Variants in ZNF334 observed in about 807,000 individuals in gnomAD.
The protein encoded by ZNF334 is zinc finger protein 334.
In ZNF334, 14 loss-of-function variants were observed where a neutral mutation model predicts 12.4. The observed-to-expected ratio is 1.13, with a 90% CI of 0.74 to 1.76. The LOEUF is 1.76. Ranked by LOEUF, ZNF334 falls within the 40% of genes most tolerant of loss-of-function variation. The probability of loss-of-function intolerance (pLI) is 0.00; values close to 1 mark genes in which losing one functional copy is unlikely to be tolerated. For missense variants in ZNF334, 797 were observed against 804.5 expected, an observed-to-expected ratio of 0.99 and a Z score of 0.11; for synonymous variants, 273 against 269.6, an observed-to-expected ratio of 1.01 and a Z score of -0.12.
Position 46,502,691 on chromosome 20 carries a change from T to A in ZNF334, c.648A>T (p.Lys216Asn). The change falls in exon 5 of 5, where the codon AAA (lysine) becomes AAT (asparagine). Residue 216 changes from lysine (K) to asparagine (N), a missense_variant. Transcript: ENST00000692313. ...TGAGAATTGCCCTCTTGAAGAAGGT[T>A]TTCCCACATTTATTATAGTCAAACG... The part of the protein sequence containing the change: ...KQPFDYNKCG[K>N]TFFKRAILIT... 1 of 1,613,048 alleles carries A rather than the reference T, an allele frequency of 6.2e-7. No individual in the cohort carries two copies. The highest frequency in any genetic ancestry group is 8.5e-7 in the Non-Finnish European group (1 of 1,179,960).
At chr20:46,466,058 C>G in the ZNF334 span, among the ~76,000 whole-genome samples, 11 of 152,108 alleles carry the variant, frequency 7.2e-5, no homozygotes, top group South Asian at 2.3e-3. Context: ...GATTATCCGT[C>G]TAGCACATAT....
At chr20:46,497,938 T>C (rs1286515624), downstream of ZNF334, among the ~76,000 whole-genome samples, 1 of 138,414 alleles carries the variant, frequency 7.2e-6, no homozygotes, top group Non-Finnish European at 1.5e-5. Flanking sequence ...ATCTCACCTA[T>C]GCAGAACATT....
At chr20:46,464,240 C>G in the ZNF334 span, 1 of 541,996 alleles carries the variant, frequency 1.8e-6, no homozygotes, top group Non-Finnish European at 3.6e-6. Flanking sequence ...CTCATTGCCT[C>G]CTTGACTTTC....
chr20:46,471,564 A>T, the ZNF334 span, among the ~76,000 whole-genome samples: 2 of 152,208 alleles, frequency 1.3e-5, no homozygotes, highest in African/African-American at 2.4e-5. Context: ...GTCCTATTAT[A>T]TCACCTAATG....
rs2061698790 is a variant in ZNF334, at chr20:46,512,763, C to G, written c.-262G>C. On this transcript the variant is annotated 5_prime_UTR_variant, in exon 1 of 5. Coordinates refer to ENST00000692313, the MANE Select transcript of ZNF334 (RefSeq NM_001353824.2). ...AAGGACCAGAATTCAGTTATTGGAT[C>G]TGTCACTAGCAAACTGCATTACTGA... The G allele has an allele frequency of 6.6e-6, 1 of 152,208 alleles. No individual in the cohort carries two copies. Among genetic ancestry groups the G allele is most frequent in the African/African-American group, 2.4e-5 (1 of 41,440 alleles). 9.4% of individuals were successfully genotyped at this position (152,208 alleles called of 1,614,324 possible).
the ZNF334 span, among the ~76,000 whole-genome samples, chr20:46,486,585 T>C: frequency 6.6e-6 from 1 of 152,182 alleles, no homozygotes; most frequent in African/African-American, 2.4e-5. Flanking sequence ...ATAATATTCT[T>C]TAACATGCAT....
the ZNF334 span, among the ~76,000 whole-genome samples, chr20:46,466,114 T>C: frequency 2.0e-5 from 3 of 152,096 alleles, no homozygotes; most frequent in African/African-American, 7.2e-5. Flanking sequence ...TTTTTAACAG[T>C]AAACCAATAG....
chr20:46,479,019 G>C, the ZNF334 span, among the ~76,000 whole-genome samples: 9 of 152,132 alleles, frequency 5.9e-5, no homozygotes, highest in Non-Finnish European at 1.2e-4. Flanking sequence ...CTGGCCCTCT[G>C]TATCAGTTAT....
Position 46,500,512 on chromosome 20 carries a change from A to C in ZNF334, c.*784T>G, listed in dbSNP as rs959750777. 1 of 152,232 alleles carries C rather than the reference A, an allele frequency of 6.6e-6. No individual in the cohort carries two copies. Among genetic ancestry groups the C allele is most frequent in the Non-Finnish European group, 1.5e-5 (1 of 68,036 alleles). The allele number at this position is 152,232 out of a possible 1,614,324, so 9.4% of individuals were successfully genotyped here. On this transcript the variant is annotated 3_prime_UTR_variant, in exon 5 of 5. Coordinates refer to ENST00000692313, the MANE Select transcript of ZNF334 (RefSeq NM_001353824.2). ...AGATGGGGTTGAGTGGATATTACAGAATACTAAAACCAGAGAAATAAACAC... is the reference window on the plus strand; with the variant it reads ...AGATGGGGTTGAGTGGATATTACAGCATACTAAAACCAGAGAAATAAACAC...
intron 2 of ZNF334, among the ~76,000 whole-genome samples, chr20:46,510,164 G>A (rs933582086): frequency 3.9e-5 from 6 of 152,166 alleles, no homozygotes; most frequent in South Asian, 2.1e-4. Flanking sequence ...TGCAAGTGGC[G>A]TGGAACCTCT....
chr20:46,504,258 TCTC>T lies in ZNF334; in HGVS notation c.194_196del (p.Gly65del), dbSNP rs1568865354. Reference sequence around the variant, plus strand: ...GAATTCCTCCACTATCCATGGCTCTTCTCCTTGCTCCAATTTGAAAATCACATC... The same window carrying T: ...GAATTCCTCCACTATCCATGGCTCTTCTTGCTCCAATTTGAAAATCACATC... On this transcript the variant is annotated inframe_deletion, in exon 4 of 5. Transcript: ENST00000692313. 6.2e-7 allele frequency: 1 copy of T among 1,613,946 alleles called. No homozygotes were observed. Among genetic ancestry groups the T allele is most frequent in the Non-Finnish European group, 8.5e-7 (1 of 1,179,898 alleles).
At chr20:46,481,430 T>C in the ZNF334 span, 1 of 152,156 alleles carries the variant, frequency 6.6e-6, no homozygotes. Flanking sequence ...ACCCAAGATT[T>C]AGGATTCATT....
chr20:46,464,633 A>C, the ZNF334 span: 1 of 421,908 alleles, frequency 2.4e-6, no homozygotes, highest in Non-Finnish European at 4.7e-6. Context: ...CTCTCTGTGG[A>C]GATACACACA....
the ZNF334 span, among the ~76,000 whole-genome samples, chr20:46,487,969 G>T: frequency 6.6e-6 from 1 of 152,142 alleles, no homozygotes; most frequent in Non-Finnish European, 1.5e-5. Context: ...GTAGTAACTG[G>T]GTATGTAGGC....
At chr20:46,497,976 A>G (rs1314758290), downstream of ZNF334, among the ~76,000 whole-genome samples, 1 of 152,188 alleles carries the variant, frequency 6.6e-6, no homozygotes, top group East Asian at 1.9e-4. Flanking sequence ...TCTATGGAAC[A>G]TTTCCCTTAA....
At chr20:46,471,523 C>A in the ZNF334 span, among the ~76,000 whole-genome samples, 3 of 152,146 alleles carry the variant, frequency 2.0e-5, no homozygotes, top group Non-Finnish European at 2.9e-5. Context: ...ATTTAAGACA[C>A]CTTTTCCTAC....
chr20:46,463,646 C>T, the ZNF334 span: 5 of 212,880 alleles, frequency 2.3e-5, no homozygotes, highest in Non-Finnish European at 3.9e-5. Flanking sequence ...AACTGTCTGA[C>T]TGTTAAATTC....
In ZNF334 at chr20:46,510,930, T is replaced by C. The variant is rs1009043135; in HGVS notation, c.21+1152A>G. ...CCTTCTGGACATCCTTACAGAGATG[T>C]TCAGCAAGAATCTCAAGCTGAGGTC... On this transcript the variant is annotated intron_variant, in intron 2 of 4. Transcript: ENST00000692313. 5.5e-4 allele frequency among the ~76,000 whole-genome samples: 83 copies of C among 151,912 alleles called. 1 individual carries two copies. The highest frequency in any genetic ancestry group is 1.9e-4 in the Non-Finnish European group (13 of 68,002).
At chr20:46,492,495 GT>G in the ZNF334 span, 1 of 153,652 alleles carries the variant, frequency 6.5e-6, no homozygotes, top group Non-Finnish European at 1.5e-5. Context: ...TGTGGAAAAT[GT>G]TTTAACAATA....
Sources: gnomAD v4.1 joint callset for allele counts (sites outside exome capture counted in the v4.1 genomes callset) on GRCh38, gnomAD v4.1.1 for gene constraint, MANE v1.5 for transcripts, NCBI Gene and HGNC (gene_info 2026-07-23, HGNC 2026-07-21) for gene names.